Variants in PCDH15 observed in about 807,000 individuals in gnomAD.
The protein encoded by PCDH15 is protocadherin related 15.
PCDH15 carries 129 observed loss-of-function variants against 178.5 expected under a neutral mutation model. The observed-to-expected ratio is 0.72, with a 90% CI of 0.63 to 0.84. The LOEUF (loss-of-function observed/expected upper bound fraction) is 0.84. Ranked by LOEUF, PCDH15 falls within the 40% of genes least tolerant of loss-of-function variation. The probability of loss-of-function intolerance (pLI) is 0.00; values close to 1 mark genes in which losing one functional copy is unlikely to be tolerated. For missense variants in PCDH15, 2,230 were observed against 2,099.9 expected (o/e 1.06, Z -1.21); for synonymous variants, 800 against 732.0 (o/e 1.09, Z -1.50).
chr10:55,006,735 A>C (rs1839937090), intron 2 of PCDH15, among the ~76,000 whole-genome samples: 1 of 152,226 alleles, frequency 6.6e-6, no homozygotes, highest in Admixed American at 6.5e-5. Context: ...TGTGCCATGG[A>C]TGGAGGACAT....
At chr10:54,889,019 TC>T (rs1309987702) in intron 3 of PCDH15, among the ~76,000 whole-genome samples, 5 of 151,858 alleles carry the variant, frequency 3.3e-5, no homozygotes, top group Non-Finnish European at 5.9e-5. Context: ...TAATGATGTC[TC>T]CACTAGGCCA....
intron 2 of PCDH15, among the ~76,000 whole-genome samples, chr10:55,012,694 T>C (rs1407623628): frequency 6.6e-6 from 1 of 152,136 alleles, no homozygotes; most frequent in Non-Finnish European, 1.5e-5. Flanking sequence ...CTAAACCATG[T>C]CTTTTTATTT....
chr10:54,165,243 T>C (rs562820485), intron 13 of PCDH15, among the ~76,000 whole-genome samples: 1 of 152,134 alleles, frequency 6.6e-6, no homozygotes, highest in Non-Finnish European at 1.5e-5. Context: ...TATCCTAGAA[T>C]AATCCAAGAT....
At position 55,304,344 on chromosome 10, in the gene PCDH15, C is replaced by T. The variant is rs923204106; in HGVS notation, c.-156+15255G>A. Among the ~76,000 whole-genome samples, 9 of 152,126 alleles carry T rather than the reference C, an allele frequency of 5.9e-5. No individual in the cohort carries two copies. In the South Asian group the frequency reaches 1.9e-3, roughly 32 times the overall value. On this transcript the variant is annotated intron_variant, in intron 1 of 5. Transcript: ENST00000458638. ...CTTCTCCAGAACACAATTTAGGATACGTGAGAAAAAAATAAAACCTAAGTA... is the reference window on the plus strand; with the variant it reads ...CTTCTCCAGAACACAATTTAGGATATGTGAGAAAAAAATAAAACCTAAGTA...
Position 54,753,998 on chromosome 10 carries a change from T to C in PCDH15, c.-29+46927A>G, listed in dbSNP as rs185154198. Among the ~76,000 whole-genome samples, 153 of 38,580 alleles carry C rather than the reference T, an allele frequency of 4.0e-3. 1 individual carries two copies. The highest frequency in any genetic ancestry group is 0.01 in the Non-Finnish European group (136 of 13,552). 25.3% of individuals were successfully genotyped at this position (38,580 alleles called of 152,430 possible). On this transcript the variant is annotated intron_variant, in intron 1 of 37. Coordinates refer to ENST00000644397, the MANE Select transcript of PCDH15 (RefSeq NM_001384140.1). ...TGATTTTTTTTTTTTATTATTATTA[T>C]TTTTTATTTTTAGTAGAGACAGGGT...
chr10:54,424,659 C>T (rs986873229), intron 3 of PCDH15, among the ~76,000 whole-genome samples: 4 of 152,026 alleles, frequency 2.6e-5, no homozygotes, highest in Admixed American at 2.0e-4. Context: ...CATATATACA[C>T]CATGGAATAC....
chr10:55,190,693 T>G (rs971199561), intron 1 of PCDH15, among the ~76,000 whole-genome samples: 6 of 151,618 alleles, frequency 4.0e-5, no homozygotes, highest in Non-Finnish European at 7.4e-5. Flanking sequence ...ATTACACAAT[T>G]TAATTTAGAT....
At position 53,807,090 on chromosome 10, in the gene PCDH15, T is replaced by G. The variant is rs199834829; in HGVS notation, c.4712A>C (p.Glu1571Ala). 496 of 1,611,944 alleles carry G rather than the reference T, an allele frequency of 3.1e-4. 1 individual carries two copies. The highest frequency in any genetic ancestry group is 3.8e-4 in the Non-Finnish European group (445 of 1,179,184). ...TTCTCCAGTTGAGCTGGTTTCATAC[T>G]CTCGATCAACAACTAACTTGATCAT... ...KRMIKLVVDR[E>A]YETSSTGEDS... The change falls in exon 38 of 38, where the codon GAG becomes GCG. Residue 1571 changes from glutamate to alanine, a missense_variant. Coordinates refer to ENST00000644397, the MANE Select transcript of PCDH15 (RefSeq NM_001384140.1).
intron 2 of PCDH15, among the ~76,000 whole-genome samples, chr10:55,410,485 C>G (rs1286949694): frequency 6.6e-6 from 1 of 152,076 alleles, no homozygotes; most frequent in Non-Finnish European, 1.5e-5. Flanking sequence ...TAAATTCTAT[C>G]CGTAATCAAA....
chr10:55,400,914 T>C (rs1224182086), intron 2 of PCDH15, among the ~76,000 whole-genome samples: 4 of 152,108 alleles, frequency 2.6e-5, no homozygotes, highest in Admixed American at 2.6e-4. Flanking sequence ...GATTTGTTCA[T>C]ATGTGTACGT....
intron 2 of PCDH15, among the ~76,000 whole-genome samples, chr10:55,335,562 C>A (rs1900473): frequency 9.9e-5 from 15 of 152,118 alleles, no homozygotes; most frequent in African/African-American, 3.6e-4. Flanking sequence ...TAGTAATTTG[C>A]TTGTGGTAAT....
At position 54,663,883 on chromosome 10, in the gene PCDH15, C is replaced by T. The variant is rs55688625; in HGVS notation, c.91+289G>A. 0.067 allele frequency among the ~76,000 whole-genome samples: 10,081 copies of T among 151,592 alleles called. 413 individuals carry two copies. The highest frequency in any genetic ancestry group is 0.15 in the East Asian group (755 of 5,136). On this transcript the variant is annotated intron_variant, in intron 2 of 37. Transcript: ENST00000644397. Reference sequence around the variant, plus strand: ...AGTAAATACAATTTAATATTGTTTCCACAGAAATTAAGCATTTACCTAGTT... The same window carrying T: ...AGTAAATACAATTTAATATTGTTTCTACAGAAATTAAGCATTTACCTAGTT...
intron 1 of PCDH15, among the ~76,000 whole-genome samples, chr10:55,196,020 C>T (rs910404773): frequency 6.6e-6 from 1 of 152,070 alleles, no homozygotes; most frequent in Non-Finnish European, 1.5e-5. Context: ...TTATCTATAG[C>T]TTTAGACACT....
At chr10:54,908,002 A>T (rs548403963) in intron 2 of PCDH15, among the ~76,000 whole-genome samples, 110 of 152,142 alleles carry the variant, frequency 7.2e-4, no homozygotes, top group Non-Finnish European at 1.2e-3. Flanking sequence ...CCAATCCAGA[A>T]CTTTTCAGAA....
intron 3 of PCDH15, among the ~76,000 whole-genome samples, chr10:54,827,254 G>A (rs1591724821): frequency 6.6e-6 from 1 of 152,066 alleles, no homozygotes; most frequent in Non-Finnish European, 1.5e-5. Context: ...AGTCTCTCCT[G>A]AGTCCACTAG....
At chr10:54,128,574 T>A (rs569419523) in intron 15 of PCDH15, among the ~76,000 whole-genome samples, 3 of 152,300 alleles carry the variant, frequency 2.0e-5, no homozygotes, top group African/African-American at 4.8e-5. Flanking sequence ...CTTGCCAGAC[T>A]TTTTTTGTAA....
At chr10:55,320,337 A>G (rs1047210343), upstream of PCDH15, among the ~76,000 whole-genome samples, 10 of 131,938 alleles carry the variant, frequency 7.6e-5, no homozygotes, top group African/African-American at 2.9e-5. Flanking sequence ...CTCCAACCCC[A>G]CTCCAAACCT....
intron 2 of PCDH15, among the ~76,000 whole-genome samples, chr10:54,584,454 G>GT (rs950944391): frequency 1.3e-5 from 2 of 151,658 alleles, no homozygotes; most frequent in African/African-American, 2.4e-5. Flanking sequence ...ACTCTCAATA[G>GT]TTTTTTTTCT....
At chr10:55,078,569 T>C (rs1182385347) in intron 2 of PCDH15, among the ~76,000 whole-genome samples, 1 of 152,170 alleles carries the variant, frequency 6.6e-6, no homozygotes, top group East Asian at 1.9e-4. Flanking sequence ...CTTCAAGTTC[T>C]GTGATTTTTT....
Sources: gnomAD v4.1 joint callset for allele counts (sites outside exome capture counted in the v4.1 genomes callset) on GRCh38, gnomAD v4.1.1 for gene constraint, MANE v1.5 for transcripts, NCBI Gene and HGNC (gene_info 2026-07-23, HGNC 2026-07-21) for gene names.